The following ABI1 variants were observed in gnomAD, a reference collection of about 807,000 sequenced individuals.
ABI1 encodes the protein Abelson interactor 1.
In ABI1, 14 loss-of-function variants were observed where a neutral mutation model predicts 54.6. The observed-to-expected ratio is 0.26, with a 90% confidence interval of 0.17 to 0.40. ABI1 has a LOEUF of 0.40. Among genes scored for constraint, ABI1 ranks in the 10% least tolerant of loss-of-function variants. The probability of loss-of-function intolerance (pLI) is 1.00; values close to 1 mark genes in which losing one functional copy is unlikely to be tolerated. For missense variants in ABI1, 443 were observed against 598.3 expected (o/e 0.74, Z 2.71); for synonymous variants, 194 against 209.3 (o/e 0.93, Z 0.63).
At chr10:26,849,855 A>C (rs1309651372) in intron 1 of ABI1, among the ~76,000 whole-genome samples, 1 of 152,206 alleles carries the variant, frequency 6.6e-6, no homozygotes, top group East Asian at 1.9e-4. Context: ...CAACATTCAG[A>C]AGGTCTGCAT....
intron 1 of ABI1, among the ~76,000 whole-genome samples, chr10:26,834,792 C>T (rs773912661): frequency 7.9e-5 from 12 of 151,434 alleles, no homozygotes; most frequent in Non-Finnish European, 1.5e-4. Flanking sequence ...CATAGTGAAA[C>T]CCTGTCTCTA....
chr10:26,810,093 CCT>C (rs1265485805), intron 2 of ABI1, among the ~76,000 whole-genome samples: 1 of 152,062 alleles, frequency 6.6e-6, no homozygotes, highest in African/African-American at 2.4e-5. Context: ...GAATGGGGAC[CCT>C]ACTTGCCACT....
chr10:26,837,432 C>T (rs12251357), intron 1 of ABI1, among the ~76,000 whole-genome samples: 38,816 of 113,418 alleles, frequency 0.34, 5,618 homozygotes, highest in African/African-American at 0.49. Context: ...CTAGCTCCAA[C>T]ACAGTCACAT....
chr10:26,767,183 T>G (rs12780703), intron 6 of ABI1, among the ~76,000 whole-genome samples: 21,206 of 152,238 alleles, frequency 0.14, 1,944 homozygotes, highest in Admixed American at 0.21. Flanking sequence ...AAAACTATAC[T>G]TTGATCCAAG....
intron 2 of ABI1, among the ~76,000 whole-genome samples, chr10:26,794,879 C>G (rs985440104): frequency 2.6e-5 from 4 of 152,136 alleles, no homozygotes; most frequent in African/African-American, 9.7e-5. Flanking sequence ...AGTGGTGGCT[C>G]ATGCCTGTAA....
At chr10:26,750,662 C>CAACT (rs59975856) in intron 10 of ABI1, among the ~76,000 whole-genome samples, 27,172 of 151,962 alleles carry the variant, frequency 0.18, 2,564 homozygotes, top group Admixed American at 0.23. Context: ...CAAAAGTGTT[C>CAACT]AACTAAATCA....
chr10:26,813,945 T>A (rs1439347792), intron 2 of ABI1, among the ~76,000 whole-genome samples: 2 of 152,204 alleles, frequency 1.3e-5, no homozygotes, highest in Non-Finnish European at 2.9e-5. Context: ...AGATCCTCAA[T>A]AATTTAAGAT....
intron 1 of ABI1, chr10:26,839,598 T>C: frequency 1.8e-6 from 1 of 570,864 alleles, no homozygotes; most frequent in South Asian, 2.3e-5. Flanking sequence ...TAGTTAACAC[T>C]GTCACAATCA....
At chr10:26,848,583 C>T (rs953936362) in intron 1 of ABI1, among the ~76,000 whole-genome samples, 1 of 147,202 alleles carries the variant, frequency 6.8e-6, no homozygotes, top group Admixed American at 6.8e-5. Context: ...ATAATTAGCA[C>T]AGTATGCAAT....
intron 2 of ABI1, among the ~76,000 whole-genome samples, chr10:26,795,311 G>A (rs1588900134): frequency 6.6e-6 from 1 of 151,940 alleles, no homozygotes; most frequent in African/African-American, 2.4e-5. Context: ...ATATTGGAAG[G>A]GAGAAGAAAT....
At chr10:26,815,996 A>G (rs2047538476) in intron 2 of ABI1, among the ~76,000 whole-genome samples, 1 of 152,232 alleles carries the variant, frequency 6.6e-6, no homozygotes, top group Admixed American at 6.5e-5. Context: ...CTAGGTCTGA[A>G]GTCCACATAA....
chr10:26,760,930 A>G (rs1839060554), intron 7 of ABI1, among the ~76,000 whole-genome samples: 2 of 146,850 alleles, frequency 1.4e-5, no homozygotes, highest in African/African-American at 5.0e-5. Context: ...TAAGCCTTTA[A>G]CTGTTTTTTT....
intron 5 of ABI1, 79 bp downstream of exon 5, chr10:26,770,166 C>T: frequency 1.7e-6 from 2 of 1,145,832 alleles, no homozygotes; most frequent in Non-Finnish European, 2.6e-6. Flanking sequence ...GGCATGGATC[C>T]CATACACTTA....
chr10:26,800,267 C>A (rs2046461078), intron 2 of ABI1, among the ~76,000 whole-genome samples: 1 of 152,060 alleles, frequency 6.6e-6, no homozygotes, highest in Non-Finnish European at 1.5e-5. Flanking sequence ...TGCCTACAGT[C>A]ACAGCTACTC....
chr10:26,796,080 C>A lies in ABI1; in HGVS notation c.286-18839G>T, dbSNP rs1453406609. The stretch of plus-strand genomic sequence containing the variant: ...CTCCAGCCTGGGTGACGGAGTGAGA[C>A]CCAGTCTCAAAAAATAAAATAAAAG... On this transcript the variant is annotated intron_variant, in intron 2 of 10. Coordinates refer to ENST00000376140, the MANE Select transcript of ABI1 (RefSeq NM_001012750.3). 6.3e-4 allele frequency among the ~76,000 whole-genome samples: 96 copies of A among 151,812 alleles called. 1 individual carries two copies. Among genetic ancestry groups the A allele is most frequent in the Non-Finnish European group, 7.4e-5 (5 of 67,962 alleles).
At chr10:26,826,038 T>A (rs2048286070) in intron 1 of ABI1, among the ~76,000 whole-genome samples, 1 of 152,198 alleles carries the variant, frequency 6.6e-6, no homozygotes, top group Admixed American at 6.5e-5. Flanking sequence ...TATTCTGACC[T>A]CCTCCCATGA....
chr10:26,777,349 T>G, intron 2 of ABI1, 108 bp from the exon 3 acceptor site: 1 of 755,884 alleles, frequency 1.3e-6, no homozygotes, highest in Non-Finnish European at 2.0e-6. Flanking sequence ...GTACACCATA[T>G]GTCTATTTTC....
intron 8 of ABI1, 82 bp downstream of exon 8, chr10:26,758,980 C>A: frequency 7.5e-7 from 1 of 1,325,906 alleles, no homozygotes; most frequent in Non-Finnish European, 1.0e-6. Flanking sequence ...TGTTGTCTAT[C>A]ACTGGCAAGA....
chr10:26,794,825 A>T (rs1424709559), intron 2 of ABI1, among the ~76,000 whole-genome samples: 1 of 152,134 alleles, frequency 6.6e-6, no homozygotes, highest in Non-Finnish European at 1.5e-5. Context: ...AATACAACTC[A>T]TCTTAGCAAT....
Sources: allele counts gnomAD v4.1 joint callset (sites outside exome capture counted in the v4.1 genomes callset), GRCh38; gene constraint gnomAD v4.1.1; transcripts MANE v1.5; gene names NCBI Gene and HGNC (gene_info 2026-07-23, HGNC 2026-07-21).